The following OPCML variants were observed in gnomAD, a reference collection of about 807,000 sequenced individuals.
OPCML encodes the protein opioid-binding protein/cell adhesion molecule.
OPCML carries 13 observed loss-of-function variants against 37.8 expected under a neutral mutation model. The ratio of observed to expected loss-of-function variants is 0.34; its 90% CI spans 0.22 to 0.55. The LOEUF (loss-of-function observed/expected upper bound fraction) is 0.55, where lower values mean the gene tolerates loss of function less well. Among genes scored for constraint, OPCML ranks in the 20% least tolerant of loss-of-function variants. OPCML has a pLI of 0.91. For missense variants in OPCML, 341 were observed against 435.6 expected (o/e 0.78, Z 1.93); for synonymous variants, 176 against 168.8 (o/e 1.04, Z -0.33).
At chr11:133,511,334 C>T (rs1051487485) in intron 1 of OPCML, among the ~76,000 whole-genome samples, 99 of 152,170 alleles carry the variant, frequency 6.5e-4, no homozygotes, top group African/African-American at 2.3e-3. Flanking sequence ...TCTGAATGAG[C>T]TCCTCATCTA....
At chr11:132,544,406 G>A (rs1304088015) in intron 3 of OPCML, among the ~76,000 whole-genome samples, 1 of 152,140 alleles carries the variant, frequency 6.6e-6, no homozygotes, top group Non-Finnish European at 1.5e-5. Flanking sequence ...TGTTTAACAT[G>A]TCACAATGCT....
At position 133,447,202 on chromosome 11, in the gene OPCML, T is replaced by C. The variant is rs73604559; in HGVS notation, c.61+85062A>G. Among the ~76,000 whole-genome samples, 675 of 152,294 alleles carry C rather than the reference T, an allele frequency of 4.4e-3. 5 individuals are homozygous for C. The highest frequency in any genetic ancestry group is 0.015 in the African/African-American group (642 of 41,556). ...CTCCCCATATCCTTGTCAGCTCTTG[T>C]TATTGTCTGTCTTTTTTTCTTCAAT... On this transcript the variant is annotated intron_variant, in intron 1 of 7. Coordinates refer to ENST00000524381, the MANE Select transcript of OPCML (RefSeq NM_001012393.5).
intron 1 of OPCML, among the ~76,000 whole-genome samples, chr11:132,964,017 C>T (rs1946156641): frequency 6.6e-6 from 1 of 152,082 alleles, no homozygotes; most frequent in East Asian, 1.9e-4. Flanking sequence ...TGCAAGCAGC[C>T]ATTGTGTGCA....
At chr11:132,469,688 G>A (rs1225649937) in intron 4 of OPCML, among the ~76,000 whole-genome samples, 1 of 142,838 alleles carries the variant, frequency 7.0e-6, no homozygotes, top group Non-Finnish European at 1.5e-5. Context: ...ATATGTGTGG[G>A]GGTGTATGTG....
intron 2 of OPCML, among the ~76,000 whole-genome samples, chr11:132,684,939 C>A (rs543640842): frequency 3.3e-5 from 5 of 152,298 alleles, no homozygotes; most frequent in African/African-American, 1.2e-4. Flanking sequence ...ATTTAAAAGT[C>A]AGCATCTCTT....
intron 1 of OPCML, among the ~76,000 whole-genome samples, chr11:133,264,199 G>A (rs974705422): frequency 2.0e-5 from 3 of 152,176 alleles, no homozygotes; most frequent in Admixed American, 6.5e-5. Context: ...AAGGACCAAG[G>A]CAAGTTAATA....
intron 1 of OPCML, among the ~76,000 whole-genome samples, chr11:133,374,031 A>T (rs1555147695): frequency 6.6e-6 from 1 of 152,214 alleles, no homozygotes; most frequent in Non-Finnish European, 1.5e-5. Flanking sequence ...AATGAAAAAA[A>T]TGTCTATTAA....
At chr11:132,651,080 C>T (rs1212976112) in intron 3 of OPCML, among the ~76,000 whole-genome samples, 2 of 152,220 alleles carry the variant, frequency 1.3e-5, no homozygotes, top group Admixed American at 6.5e-5. Flanking sequence ...TCCCAGCATC[C>T]ACCTGCTGCC....
intron 2 of OPCML, among the ~76,000 whole-genome samples, chr11:132,854,169 G>A (rs368895859): frequency 9.2e-5 from 14 of 152,110 alleles, no homozygotes; most frequent in Middle Eastern, 3.2e-3. Context: ...TACTATTACC[G>A]ATTTAATACA....
intron 1 of OPCML, among the ~76,000 whole-genome samples, chr11:133,238,902 A>G (rs181000938): frequency 1.3e-5 from 2 of 152,344 alleles, no homozygotes; most frequent in East Asian, 3.9e-4. Context: ...CAAAGTCCCT[A>G]CCACAGGCAG....
chr11:133,372,246 G>T lies in OPCML; in HGVS notation c.61+160018C>A, dbSNP rs1219803081. On this transcript the variant is annotated intron_variant, in intron 1 of 7. Coordinates refer to ENST00000524381, the MANE Select transcript of OPCML (RefSeq NM_001012393.5). The stretch of plus-strand genomic sequence containing the variant: ...ATGGTCACCCTACATACCCTGACTT[G>T]ATCATTACATATTTATGCACATAAC... Among the ~76,000 whole-genome samples, 9 of 152,220 alleles carry T rather than the reference G, an allele frequency of 5.9e-5. No individual in the cohort carries two copies. In the Middle Eastern group the frequency reaches 0.014, roughly 232 times the overall value.
intron 1 of OPCML, among the ~76,000 whole-genome samples, chr11:133,148,665 C>T (rs533167282): frequency 2.0e-5 from 3 of 152,258 alleles, no homozygotes; most frequent in Admixed American, 6.5e-5. Flanking sequence ...CTTCAGCGCT[C>T]GCTCCATCCC....
chr11:133,053,353 C>T (rs1948166164), intron 1 of OPCML, among the ~76,000 whole-genome samples: 1 of 152,182 alleles, frequency 6.6e-6, no homozygotes, highest in Non-Finnish European at 1.5e-5. Flanking sequence ...ACATCCCAAA[C>T]CCTCTCTTGG....
intron 1 of OPCML, among the ~76,000 whole-genome samples, chr11:133,179,973 A>G (rs960657140): frequency 2.0e-5 from 3 of 152,202 alleles, no homozygotes; most frequent in African/African-American, 7.2e-5. Flanking sequence ...CTGGAATAAC[A>G]GAACATTTGT....
intron 3 of OPCML, among the ~76,000 whole-genome samples, chr11:132,553,090 C>A (rs2096386104): frequency 6.6e-6 from 1 of 152,186 alleles, no homozygotes; most frequent in Non-Finnish European, 1.5e-5. Flanking sequence ...TTCTTCTCCA[C>A]CCTGTGCTTT....
intron 1 of OPCML, among the ~76,000 whole-genome samples, chr11:133,185,677 C>A (rs921021001): frequency 6.6e-6 from 1 of 152,102 alleles, no homozygotes; most frequent in Non-Finnish European, 1.5e-5. Context: ...TTCTAAGGCT[C>A]CCATAGATAT....
rs557207789 is a variant in OPCML, at chr11:132,479,363, C to T, written c.506-42004G>A. On this transcript the variant is annotated intron_variant, in intron 4 of 7. Coordinates refer to ENST00000524381, the MANE Select transcript of OPCML (RefSeq NM_001012393.5). ...AGGATATTATATCCCACACGTGGCT[C>T]GGAGGGTCCTATGCCCACGGAATCT... 4.6e-5 allele frequency among the ~76,000 whole-genome samples: 7 copies of T among 152,302 alleles called. No homozygotes were observed. The East Asian group carries it at 9.7e-4, about 21-fold the overall frequency.
At chr11:133,087,591 G>A (rs530796524) in intron 1 of OPCML, among the ~76,000 whole-genome samples, 1 of 152,350 alleles carries the variant, frequency 6.6e-6, no homozygotes, top group African/African-American at 2.4e-5. Context: ...GCTTCACAGA[G>A]TTTAACATAT....
rs111952298 is a variant in OPCML at position 132,707,390 on chromosome 11, A to G, written c.147-50071T>C. Among the ~76,000 whole-genome samples, 4 of 152,330 alleles carry G rather than the reference A, an allele frequency of 2.6e-5. 1 individual carries two copies. The highest frequency in any genetic ancestry group is 9.6e-5 in the African/African-American group (4 of 41,576). On this transcript the variant is annotated intron_variant, in intron 2 of 7. Transcript: ENST00000524381. Reference sequence around the variant, plus strand: ...CTCTAAGCAGAAACATTAAAGAAAAAGAAAGCAGCTAATGGTTATGGAATA... The same window carrying G: ...CTCTAAGCAGAAACATTAAAGAAAAGGAAAGCAGCTAATGGTTATGGAATA...
Sources: allele counts gnomAD v4.1 joint callset (sites outside exome capture counted in the v4.1 genomes callset), GRCh38; gene constraint gnomAD v4.1.1; transcripts MANE v1.5; gene names NCBI Gene and HGNC (gene_info 2026-07-23, HGNC 2026-07-21).